Variants in DLGAP2 observed in about 807,000 individuals in gnomAD.
The protein encoded by DLGAP2 is disks large-associated protein 2.
DLGAP2 carries 26 observed loss-of-function variants against 100.3 expected under a neutral mutation model. The ratio of observed to expected loss-of-function variants is 0.26; its 90% CI spans 0.19 to 0.36. The LOEUF (loss-of-function observed/expected upper bound fraction) is 0.36. DLGAP2 is among the 10% of genes least tolerant of loss of function. The probability of loss-of-function intolerance (pLI) is 1.00; values close to 1 mark genes in which losing one functional copy is unlikely to be tolerated. For missense variants in DLGAP2, 1,858 were observed against 1,453.2 expected (o/e 1.28, Z -4.53); for synonymous variants, 886 against 630.1 (o/e 1.41, Z -6.08).
At chr8:820,255 CAG>C (rs1324524595) in intron 1 of DLGAP2, among the ~76,000 whole-genome samples, 1 of 152,100 alleles carries the variant, frequency 6.6e-6, no homozygotes, top group Non-Finnish European at 1.5e-5. Context: ...GAAAGTCTAA[CAG>C]AAAATTTAGT....
At chr8:1,219,501 T>C (rs1798276090) in intron 2 of DLGAP2, among the ~76,000 whole-genome samples, 1 of 152,210 alleles carries the variant, frequency 6.6e-6, no homozygotes, top group African/African-American at 2.4e-5. Context: ...CTTAATGTGC[T>C]GCTGGATTTG....
At chr8:1,143,046 GGGCCTCAGGGTGTGGGACTGCC>G (rs1796548484) in intron 2 of DLGAP2, among the ~76,000 whole-genome samples, 1 of 152,180 alleles carries the variant, frequency 6.6e-6, no homozygotes, top group African/African-American at 2.4e-5. Flanking sequence ...CCCTCTGCAG[GGGCCTCAGGGTGTGGGACTGCC>G]GGCCACAGCG....
chr8:818,066 ATAT>A (rs1472563273), intron 1 of DLGAP2, among the ~76,000 whole-genome samples: 1 of 152,004 alleles, frequency 6.6e-6, no homozygotes, highest in East Asian at 1.9e-4. Context: ...AGCTCCCAAG[ATAT>A]TATGACCTCT....
intron 8 of DLGAP2, among the ~76,000 whole-genome samples, chr8:1,663,373 G>C (rs1480700157): frequency 6.6e-6 from 1 of 152,180 alleles, no homozygotes; most frequent in East Asian, 1.9e-4. Context: ...GCTGTTTGGG[G>C]ACCCGGTGGT....
intron 2 of DLGAP2, among the ~76,000 whole-genome samples, chr8:938,522 G>C (rs997712027): frequency 6.6e-6 from 1 of 152,098 alleles, no homozygotes; most frequent in African/African-American, 2.4e-5. Context: ...AGCACACGGT[G>C]GGGGTAGGGA....
rs1043727793 is a variant in DLGAP2 at position 1,668,849 on chromosome 8, G to A, written c.2160+171G>A. 9.2e-5 allele frequency among the ~76,000 whole-genome samples: 14 copies of A among 152,170 alleles called. No homozygotes were observed. The East Asian group carries it at 1.9e-3, about 21-fold the overall frequency. On this transcript the variant is annotated intron_variant, in intron 9 of 14. Coordinates refer to ENST00000637795, the MANE Select transcript of DLGAP2 (RefSeq NM_001346810.2). ...GCGTTCGCCTTGCAGACCTGCCAGCGCAGTGAGTAGGTGGGAGACCCCCGA... is the reference window on the plus strand; with the variant it reads ...GCGTTCGCCTTGCAGACCTGCCAGCACAGTGAGTAGGTGGGAGACCCCCGA...
At chr8:1,525,804 G>T (rs1364694657) in intron 4 of DLGAP2, among the ~76,000 whole-genome samples, 2 of 152,180 alleles carry the variant, frequency 1.3e-5, no homozygotes, top group Non-Finnish European at 2.9e-5. Flanking sequence ...TGTGACATTG[G>T]GTAGTGACGG....
At chr8:1,344,961 C>T (rs912929623) in intron 3 of DLGAP2, among the ~76,000 whole-genome samples, 4 of 152,204 alleles carry the variant, frequency 2.6e-5, no homozygotes, top group African/African-American at 9.6e-5. Context: ...CAGGCACTAC[C>T]AGAGGGCTAG....
chr8:1,580,006 C>A (rs1803160818), intron 6 of DLGAP2, among the ~76,000 whole-genome samples: 1 of 152,214 alleles, frequency 6.6e-6, no homozygotes, highest in Admixed American at 6.5e-5. Flanking sequence ...CCACCGAAAG[C>A]CTGATGGAAT....
chr8:872,898 T>C (rs1397613069), intron 1 of DLGAP2, among the ~76,000 whole-genome samples: 2 of 152,156 alleles, frequency 1.3e-5, no homozygotes, highest in Non-Finnish European at 2.9e-5. Context: ...CCCCCACAGA[T>C]ACGCAGATCC....
At position 1,702,676 on chromosome 8, in the gene DLGAP2, A is replaced by ACTC. The variant is rs1381768199; in HGVS notation, c.*1271_*1273dup. On this transcript the variant is annotated 3_prime_UTR_variant, in exon 15 of 15. Transcript: ENST00000637795. ...TCGGTGCCAGAGGAAAATAGGAACGACTCTAATTAATAGGCTTTCTGTGTA... is the reference window on the plus strand; with the variant it reads ...TCGGTGCCAGAGGAAAATAGGAACGACTCCTCTAATTAATAGGCTTTCTGTGTA... 1 of 152,064 alleles carries ACTC rather than the reference A, an allele frequency of 6.6e-6. No homozygotes were observed. The highest frequency in any genetic ancestry group is 1.5e-5 in the Non-Finnish European group (1 of 68,008). 9.4% of individuals were successfully genotyped at this position (152,064 alleles called of 1,614,324 possible).
At chr8:1,463,907 G>A (rs529018102) in intron 3 of DLGAP2, among the ~76,000 whole-genome samples, 44 of 152,330 alleles carry the variant, frequency 2.9e-4, no homozygotes, top group African/African-American at 1.0e-3. Flanking sequence ...GGAGCTGCAC[G>A]CGCTCCTGGG....
At chr8:763,142 G>A (rs548829045) in intron 1 of DLGAP2, among the ~76,000 whole-genome samples, 2 of 152,148 alleles carry the variant, frequency 1.3e-5, no homozygotes, top group South Asian at 2.1e-4. Flanking sequence ...GTGCAGGGAC[G>A]AAGCTGAGCC....
At chr8:925,909 G>T (rs1195853783) in intron 2 of DLGAP2, among the ~76,000 whole-genome samples, 1 of 152,102 alleles carries the variant, frequency 6.6e-6, no homozygotes, top group Admixed American at 6.5e-5. Context: ...TTAATTCAGG[G>T]TTTTCCCGCC....
intron 4 of DLGAP2, among the ~76,000 whole-genome samples, chr8:1,528,502 A>G: frequency 6.6e-6 from 1 of 152,254 alleles, no homozygotes; most frequent in East Asian, 1.9e-4. Flanking sequence ...GAGCAGCAGC[A>G]GCTAGGAACT....
chr8:1,157,269 C>T (rs1049582537), intron 2 of DLGAP2, among the ~76,000 whole-genome samples: 2 of 152,152 alleles, frequency 1.3e-5, no homozygotes, highest in Admixed American at 6.5e-5. Context: ...GATGTCCTCT[C>T]GTGGCACAGA....
At chr8:1,678,015 G>A (rs969071180) in intron 11 of DLGAP2, among the ~76,000 whole-genome samples, 199 bp from the exon 12 acceptor site, 1 of 152,234 alleles carries the variant, frequency 6.6e-6, no homozygotes, top group Non-Finnish European at 1.5e-5. Flanking sequence ...TTAGGCAGAT[G>A]TTAAAGTATA....
chr8:1,031,879 C>T (rs1801983640), intron 2 of DLGAP2, among the ~76,000 whole-genome samples: 1 of 152,156 alleles, frequency 6.6e-6, no homozygotes, highest in South Asian at 2.1e-4. Context: ...CACCTGTGGC[C>T]ACCATAAGTC....
At chr8:1,452,099 C>T (rs1022234047) in intron 3 of DLGAP2, among the ~76,000 whole-genome samples, 19 of 152,378 alleles carry the variant, frequency 1.2e-4, no homozygotes, top group Admixed American at 9.1e-4. Flanking sequence ...ATGGTTGTAG[C>T]GAACACATGC....
Sources: allele counts gnomAD v4.1 joint callset (sites outside exome capture counted in the v4.1 genomes callset), GRCh38; gene constraint gnomAD v4.1.1; transcripts MANE v1.5; gene names NCBI Gene and HGNC (gene_info 2026-07-23, HGNC 2026-07-21).